The following HEATR4 variants were observed in gnomAD, a reference collection of about 807,000 sequenced individuals.
HEATR4 encodes the protein HEAT repeat-containing protein 4.
In HEATR4, 95 loss-of-function variants were observed where a neutral mutation model predicts 108.8. The observed-to-expected ratio is 0.87, with a 90% confidence interval of 0.74 to 1.04. The LOEUF is 1.04. HEATR4 is among the 50% of genes least tolerant of loss of function. The probability of loss-of-function intolerance (pLI) is 0.00; values close to 1 mark genes in which losing one functional copy is unlikely to be tolerated. For missense variants in HEATR4, 1,152 were observed against 1,253.8 expected (o/e 0.92, Z 1.23); for synonymous variants, 443 against 459.4 (o/e 0.96, Z 0.46).
chr14:73,561,507 G>A (rs1889531461), upstream of HEATR4, among the ~76,000 whole-genome samples: 1 of 151,874 alleles, frequency 6.6e-6, no homozygotes, highest in Admixed American at 6.6e-5. Flanking sequence ...GGCCAACACA[G>A]TAAACCCCGT....
the HEATR4 span, among the ~76,000 whole-genome samples, chr14:73,626,880 C>T: frequency 6.9e-6 from 1 of 144,412 alleles, no homozygotes; most frequent in Non-Finnish European, 1.5e-5. Flanking sequence ...CTCACGGCAA[C>T]CTCTGCCTCC....
the HEATR4 span, among the ~76,000 whole-genome samples, chr14:73,588,031 C>T: frequency 2.7e-5 from 4 of 148,668 alleles, no homozygotes; most frequent in East Asian, 2.0e-4. Flanking sequence ...GACGGAGTTT[C>T]GTTCCTGTTG....
chr14:73,583,449 T>C, the HEATR4 span, among the ~76,000 whole-genome samples: 1 of 151,872 alleles, frequency 6.6e-6, no homozygotes, highest in African/African-American at 2.4e-5. Flanking sequence ...TTACCCTCCA[T>C]GATCCCTTTA....
intron 1 of HEATR4, among the ~76,000 whole-genome samples, chr14:73,540,742 CTT>C (rs200357086): frequency 2.0e-4 from 16 of 81,220 alleles, no homozygotes; most frequent in Non-Finnish European, 1.8e-4. Flanking sequence ...TGTTTGCATT[CTT>C]TTTTTTTTTT....
rs1373053499 is a variant in HEATR4, at chr14:73,498,216, C to T, written c.2485G>A (p.Asp829Asn). Residue 829 changes from aspartate (D) to asparagine (N), a missense_variant, in exon 14 of 18, where the codon GAC becomes AAC. Asp to Asn is a conservative substitution (Grantham distance 23). Coordinates refer to ENST00000553558, the MANE Select transcript of HEATR4 (RefSeq NM_001220484.1). ...RSILALKLQG[D>N]RVRDTFLDVL... Reference sequence around the variant, plus strand: ...TCTAGGAAGGTGTCCCTGACCCGGTCCCCTTGAAGTTTCAGGGCTAGGATG... The same window carrying T: ...TCTAGGAAGGTGTCCCTGACCCGGTTCCCTTGAAGTTTCAGGGCTAGGATG... 5 of 1,614,004 alleles carry T rather than the reference C, an allele frequency of 3.1e-6. No individual in the cohort carries two copies. The highest frequency in any genetic ancestry group is 4.2e-6 in the Non-Finnish European group (5 of 1,179,964).
At chr14:73,491,649 C>A in intron 17 of HEATR4, 1 of 1,549,654 alleles carries the variant, frequency 6.5e-7, no homozygotes, top group South Asian at 1.2e-5. Flanking sequence ...TGGCTCATCG[C>A]GCCCATGCCG....
At chr14:73,590,053 CAAAACTA>C in the HEATR4 span, among the ~76,000 whole-genome samples, 1 of 152,128 alleles carries the variant, frequency 6.6e-6, no homozygotes. Flanking sequence ...ACCTTTATTA[CAAAACTA>C]AATAGAACAA....
chr14:73,595,083 C>G, the HEATR4 span: 1 of 1,613,956 alleles, frequency 6.2e-7, no homozygotes. Flanking sequence ...TTGGGCATTT[C>G]TCTAGGAGCT....
the HEATR4 span, among the ~76,000 whole-genome samples, chr14:73,633,338 T>G: frequency 1.3e-5 from 2 of 152,016 alleles, no homozygotes; most frequent in Non-Finnish European, 2.9e-5. Flanking sequence ...AAAAGCAAAA[T>G]TTATGCTCCC....
chr14:73,490,964 C>G, intron 17 of HEATR4: 4 of 1,296,220 alleles, frequency 3.1e-6, no homozygotes, highest in Non-Finnish European at 3.9e-6. Context: ...ATTCAGGAAC[C>G]GCTTTAGCTT....
intron 17 of HEATR4, among the ~76,000 whole-genome samples, chr14:73,483,350 T>G (rs955129230): frequency 6.6e-6 from 1 of 152,188 alleles, no homozygotes; most frequent in African/African-American, 2.4e-5. Context: ...TTTGTTTGTT[T>G]TTTAGAGACC....
the HEATR4 span, chr14:73,619,213 C>T: frequency 6.5e-7 from 1 of 1,531,340 alleles, no homozygotes; most frequent in African/African-American, 1.4e-5. Context: ...AGCTTGTTTT[C>T]CTTCTCTTTT....
the HEATR4 span, among the ~76,000 whole-genome samples, chr14:73,585,625 G>A: frequency 2.0e-5 from 3 of 151,948 alleles, no homozygotes; most frequent in East Asian, 5.8e-4. Context: ...AGGAGGTGGA[G>A]GTCCAATGAG....
At chr14:73,482,140 C>G (rs1885283197) in intron 17 of HEATR4, among the ~76,000 whole-genome samples, 1 of 152,146 alleles carries the variant, frequency 6.6e-6, no homozygotes, top group South Asian at 2.1e-4. Context: ...AATCCCAGCA[C>G]TTTAGGAGGC....
chr14:73,580,433 G>T, the HEATR4 span, among the ~76,000 whole-genome samples: 1 of 152,070 alleles, frequency 6.6e-6, no homozygotes, highest in Non-Finnish European at 1.5e-5. Context: ...TAATAAGAGT[G>T]AAGTGTGATA....
the HEATR4 span, among the ~76,000 whole-genome samples, chr14:73,606,053 T>C: frequency 6.6e-6 from 1 of 152,062 alleles, no homozygotes. Flanking sequence ...TTCCCTGTGA[T>C]TTCATCTCCT....
Position 73,491,174 on chromosome 14 carries a change from C to T in HEATR4, c.2844+1892G>A, listed in dbSNP as rs547403691. 1.5e-5 allele frequency: 24 copies of T among 1,601,956 alleles called. No homozygotes were observed. In the East Asian group the frequency reaches 4.8e-4, roughly 32 times the overall value. Reference sequence around the variant, plus strand: ...AAGTGTTGTATCCCGCATGGCAGCGCTGAGGACGCAGACGCTGCCTAGCGA... The same window carrying T: ...AAGTGTTGTATCCCGCATGGCAGCGTTGAGGACGCAGACGCTGCCTAGCGA... On this transcript the variant is annotated intron_variant, in intron 17 of 17. Coordinates refer to ENST00000553558, the MANE Select transcript of HEATR4 (RefSeq NM_001220484.1).
At chr14:73,614,048 A>AAAC in the HEATR4 span, among the ~76,000 whole-genome samples, 86 of 143,894 alleles carry the variant, frequency 6.0e-4, no homozygotes, top group African/African-American at 2.1e-3. Context: ...AAAAAAAAAA[A>AAAC]AAATTAGGCA....
In HEATR4 at chr14:73,534,861, C is replaced by T. The variant is rs1220420659; in HGVS notation, c.-151-4617G>A. 2.0e-5 allele frequency among the ~76,000 whole-genome samples: 2 copies of T among 101,254 alleles called. 1 individual carries two copies. The highest frequency in any genetic ancestry group is 6.5e-4 in the South Asian group (2 of 3,076). 66.4% of individuals were successfully genotyped at this position (101,254 alleles called of 152,430 possible). The stretch of plus-strand genomic sequence containing the variant: ...CTTGCTCTGTTGCCCAAGCTGGTAT[C>T]GAATTCCTCCTGGGCTCAAGCAATC... On this transcript the variant is annotated intron_variant, in intron 1 of 17. Coordinates refer to ENST00000553558, the MANE Select transcript of HEATR4 (RefSeq NM_001220484.1).
Sources: allele counts gnomAD v4.1 joint callset (sites outside exome capture counted in the v4.1 genomes callset), GRCh38; gene constraint gnomAD v4.1.1; transcripts MANE v1.5; gene names NCBI Gene and HGNC (gene_info 2026-07-23, HGNC 2026-07-21).